Variants in ATP8B4 observed in about 807,000 individuals in gnomAD.
ATP8B4 encodes the protein probable phospholipid-transporting ATPase IM.
A neutral mutation model predicts 145.6 loss-of-function variants in ATP8B4; 133 were observed. That is an observed-to-expected ratio of 0.91 (90% CI 0.79 to 1.05). The LOEUF (loss-of-function observed/expected upper bound fraction) is 1.05, where lower values mean the gene tolerates loss of function less well. Ranked by LOEUF, ATP8B4 falls within the 50% of genes least tolerant of loss-of-function variation. The pLI is 0.00. For synonymous variants in ATP8B4, 507 were observed against 492.9 expected (o/e 1.03, Z -0.38); for missense variants, 1,458 against 1,425.2 (o/e 1.02, Z -0.37).
At chr15:50,019,438 A>G (rs2153579424) in intron 6 of ATP8B4, among the ~76,000 whole-genome samples, 1 of 152,304 alleles carries the variant, frequency 6.6e-6, no homozygotes, top group South Asian at 2.1e-4. Context: ...ACATTTAAAC[A>G]CCTGTCTTTC....
chr15:50,045,056 A>G (rs2051610009), intron 4 of ATP8B4, among the ~76,000 whole-genome samples: 1 of 152,168 alleles, frequency 6.6e-6, no homozygotes, highest in Non-Finnish European at 1.5e-5. Flanking sequence ...CCAAAGAGAG[A>G]TTGTTTGAAC....
intron 7 of ATP8B4, among the ~76,000 whole-genome samples, chr15:50,007,342 G>A (rs932671111): frequency 1.3e-5 from 2 of 152,176 alleles, no homozygotes; most frequent in Non-Finnish European, 2.9e-5. Context: ...CCAGACTCAA[G>A]TCAATGAGGA....
At chr15:49,919,006 C>A in intron 18 of ATP8B4, 56 bp from the exon 19 acceptor site, 1 of 1,248,736 alleles carries the variant, frequency 8.0e-7, no homozygotes, top group Non-Finnish European at 1.1e-6. Context: ...ATATCTATAA[C>A]ATCTATGGAT....
At chr15:50,040,922 G>T (rs1460774616) in intron 5 of ATP8B4, among the ~76,000 whole-genome samples, 1 of 152,206 alleles carries the variant, frequency 6.6e-6, no homozygotes, top group African/African-American at 2.4e-5. Flanking sequence ...TATACCTGAT[G>T]CTTTACACAT....
At chr15:50,048,269 C>CG (rs199522087) in intron 3 of ATP8B4, among the ~76,000 whole-genome samples, 3,442 of 152,014 alleles carry the variant, frequency 0.023, 92 homozygotes, top group Non-Finnish European at 0.029. Flanking sequence ...TAATGCTTGT[C>CG]GGGGGGCACT....
chr15:49,972,288 C>G (rs2045225801), intron 13 of ATP8B4, among the ~76,000 whole-genome samples: 2 of 151,966 alleles, frequency 1.3e-5, no homozygotes, highest in Non-Finnish European at 2.9e-5. Context: ...AATAAAGAAT[C>G]ACACAGAGCA....
At chr15:50,103,958 T>C (rs2056523455) in intron 2 of ATP8B4, among the ~76,000 whole-genome samples, 1 of 151,780 alleles carries the variant, frequency 6.6e-6, no homozygotes, top group Admixed American at 6.6e-5. Context: ...CTTCGACAAA[T>C]CAAACAAAAT....
Position 49,862,247 on chromosome 15 carries a change from G to C in ATP8B4, c.3295C>G (p.Gln1099Glu). Residue 1099 changes from glutamine (Q) to glutamate (E), a missense_variant and splice_region_variant, in exon 27 of 28, where the codon CAG becomes GAG. Physicochemically the swap from Gln to Glu is conservative, Grantham distance 29. Transcript: ENST00000284509. ...KVDLYPTLSD[Q>E]IRRWQKAQKK... ...TATTCATCAGCACTGTGACATACCTGATCACTCAGGGTTGGGTATAAATCC... is the reference window on the plus strand; with the variant it reads ...TATTCATCAGCACTGTGACATACCTCATCACTCAGGGTTGGGTATAAATCC... 1 of 1,613,084 alleles carries C rather than the reference G, an allele frequency of 6.2e-7. No individual in the cohort carries two copies. Among genetic ancestry groups the C allele is most frequent in the Non-Finnish European group, 8.5e-7 (1 of 1,179,366 alleles).
At chr15:50,113,701 T>G (rs2057057188) in intron 1 of ATP8B4, among the ~76,000 whole-genome samples, 1 of 151,728 alleles carries the variant, frequency 6.6e-6, no homozygotes, top group Non-Finnish European at 1.5e-5. Context: ...TAGCTGGGCG[T>G]GGTGGCACAT....
At chr15:50,017,990 T>TC (rs1369706380) in intron 6 of ATP8B4, among the ~76,000 whole-genome samples, 3 of 82,998 alleles carry the variant, frequency 3.6e-5, no homozygotes, top group African/African-American at 3.1e-4. Flanking sequence ...TCTTTTTTTT[T>TC]CTTTTTTTTT....
intron 6 of ATP8B4, among the ~76,000 whole-genome samples, chr15:50,028,212 A>C (rs960722245): frequency 3.3e-5 from 5 of 152,158 alleles, no homozygotes; most frequent in African/African-American, 1.2e-4. Context: ...CTTAGATCTA[A>C]TTTAGAGATC....
At chr15:49,962,262 A>G (rs2044150864) in intron 13 of ATP8B4, among the ~76,000 whole-genome samples, 1 of 152,230 alleles carries the variant, frequency 6.6e-6, no homozygotes, top group Non-Finnish European at 1.5e-5. Flanking sequence ...AAAACAAAAA[A>G]TGAAGCAATT....
intron 23 of ATP8B4, among the ~76,000 whole-genome samples, chr15:49,891,931 T>G (rs1205085047): frequency 6.6e-6 from 1 of 151,970 alleles, no homozygotes; most frequent in Non-Finnish European, 1.5e-5. Flanking sequence ...CTGGCTAACA[T>G]GGTGAAACCC....
chr15:49,908,942 C>T (rs556911325), intron 20 of ATP8B4, among the ~76,000 whole-genome samples: 1 of 152,290 alleles, frequency 6.6e-6, no homozygotes, highest in South Asian at 2.1e-4. Flanking sequence ...AAGGCTGCTA[C>T]TACTAAAAGC....
chr15:50,166,906 A>G (rs963543245), intron 1 of ATP8B4, among the ~76,000 whole-genome samples: 1 of 152,170 alleles, frequency 6.6e-6, no homozygotes, highest in African/African-American at 2.4e-5. Context: ...AGGATCAACA[A>G]AACAGCAATA....
chr15:50,021,101 A>G (rs1468746398), intron 6 of ATP8B4, among the ~76,000 whole-genome samples: 1 of 151,732 alleles, frequency 6.6e-6, no homozygotes, highest in East Asian at 1.9e-4. Flanking sequence ...CTGAAAATCC[A>G]TGAGTGATGG....
intron 16 of ATP8B4, among the ~76,000 whole-genome samples, chr15:49,923,895 G>A (rs2040478764): frequency 1.3e-5 from 2 of 152,106 alleles, no homozygotes; most frequent in South Asian, 4.1e-4. Context: ...ATCAGTATCA[G>A]TGCTATGCTA....
At chr15:50,086,932 TAGAG>T (rs1248023907) in intron 2 of ATP8B4, among the ~76,000 whole-genome samples, 4 of 98,234 alleles carry the variant, frequency 4.1e-5, no homozygotes, top group Non-Finnish European at 7.2e-5. Context: ...TAAAATAATA[TAGAG>T]ATCTATATTT....
At chr15:49,979,592 A>C (rs754249482) in intron 12 of ATP8B4, 25 bp downstream of exon 12, 2 of 1,400,612 alleles carry the variant, frequency 1.4e-6, no homozygotes, top group Non-Finnish European at 1.9e-6. Context: ...AAATTATTTC[A>C]TTAAAATATA....
Sources: allele counts gnomAD v4.1 joint callset (sites outside exome capture counted in the v4.1 genomes callset), GRCh38; gene constraint gnomAD v4.1.1; transcripts MANE v1.5; gene names NCBI Gene and HGNC (gene_info 2026-07-23, HGNC 2026-07-21).